The following BICD1 variants were observed in gnomAD, a reference collection of about 807,000 sequenced individuals.
BICD1 encodes BICD cargo adaptor 1.
BICD1 carries 35 observed loss-of-function variants against 92.5 expected under a neutral mutation model. The ratio of observed to expected loss-of-function variants is 0.38; its 90% CI spans 0.29 to 0.50. The LOEUF (loss-of-function observed/expected upper bound fraction) is 0.50. Among genes scored for constraint, BICD1 ranks in the 20% least tolerant of loss-of-function variants. The pLI is 0.93. For missense variants in BICD1, 950 were observed against 1,189.8 expected (o/e 0.80, Z 2.97); for synonymous variants, 429 against 465.1 (o/e 0.92, Z 1.00).
intron 2 of BICD1, among the ~76,000 whole-genome samples, chr12:32,288,560 T>C (rs990761197): frequency 2.6e-5 from 4 of 152,104 alleles, no homozygotes; most frequent in African/African-American, 9.7e-5. Context: ...TATGTCATAA[T>C]TTTAAAAATT....
chr12:32,244,484 A>C (rs1043375420), intron 2 of BICD1, among the ~76,000 whole-genome samples: 1 of 152,164 alleles, frequency 6.6e-6, no homozygotes, highest in African/African-American at 2.4e-5. Context: ...GCTGTCATTA[A>C]TTGGAGTTAC....
rs1197360509 is a variant in BICD1, at chr12:32,348,753, T to A, written c.2764+9774T>A. ...ATATATATATATATATATATATATA[T>A]ATATATATATATATATATATATATA... is the stretch of plus-strand genomic sequence containing the variant. On this transcript the variant is annotated intron_variant, in intron 8 of 9. Coordinates refer to ENST00000652176, the MANE Select transcript of BICD1 (RefSeq NM_001714.4). Among the ~76,000 whole-genome samples the A allele has an allele frequency of 1.1e-3, 27 of 23,496 alleles. 1 individual carries two copies. The highest frequency in any genetic ancestry group is 0.01 in the African/African-American group (20 of 1,906). The allele number at this position is 23,496 out of a possible 152,430, so 15.4% of individuals were successfully genotyped here. A position where few individuals can be genotyped will look rare whatever the true frequency, so the allele number is the denominator to read the frequency against.
At chr12:32,127,645 G>T (rs1047368562) in intron 1 of BICD1, among the ~76,000 whole-genome samples, 1 of 152,084 alleles carries the variant, frequency 6.6e-6, no homozygotes, top group Non-Finnish European at 1.5e-5. Flanking sequence ...ACTGGCTTTG[G>T]ACACCTTCCT....
chr12:32,184,784 C>T (rs1331690710), intron 1 of BICD1, among the ~76,000 whole-genome samples: 1 of 152,156 alleles, frequency 6.6e-6, no homozygotes, highest in African/African-American at 2.4e-5. Flanking sequence ...GTTTATGATA[C>T]CTAAATTCTC....
intron 8 of BICD1, among the ~76,000 whole-genome samples, chr12:32,342,164 A>ATGTG (rs3075990): frequency 3.1e-4 from 43 of 140,302 alleles, no homozygotes; most frequent in African/African-American, 4.0e-4. Flanking sequence ...GTGTATATAT[A>ATGTG]TGTATATATA....
chr12:32,129,723 C>A (rs1942470687), intron 1 of BICD1, among the ~76,000 whole-genome samples: 1 of 152,018 alleles, frequency 6.6e-6, no homozygotes, highest in Non-Finnish European at 1.5e-5. Context: ...TCTTTCTTAA[C>A]CCTGTACCCT....
At chr12:32,149,020 C>CAAAAA (rs35156666) in intron 1 of BICD1, among the ~76,000 whole-genome samples, 1 of 147,036 alleles carries the variant, frequency 6.8e-6, no homozygotes. Context: ...GCTCTGTCTC[C>CAAAAA]AAAAAAAAAA....
At chr12:32,300,682 TGCCCAG>T (rs1250538001) in intron 3 of BICD1, among the ~76,000 whole-genome samples, 1 of 140,798 alleles carries the variant, frequency 7.1e-6, no homozygotes, top group Non-Finnish European at 1.5e-5. Context: ...CCAGCTCTTT[TGCCCAG>T]GCTGGAGTGC....
chr12:32,181,737 T>C (rs542348961), intron 1 of BICD1, among the ~76,000 whole-genome samples: 1 of 152,034 alleles, frequency 6.6e-6, no homozygotes, highest in South Asian at 2.1e-4. Flanking sequence ...TCTGAGCAAC[T>C]GTTGCTTATA....
At position 32,220,429 on chromosome 12, in the gene BICD1, C is replaced by T. The variant is rs559265429; in HGVS notation, c.426+3970C>T. Reference sequence around the variant, plus strand: ...ACCAACAACCCCGTCAAAAAGTGGGCGAAGGACATGAACAGACACTTCTCA... The same window carrying T: ...ACCAACAACCCCGTCAAAAAGTGGGTGAAGGACATGAACAGACACTTCTCA... On this transcript the variant is annotated intron_variant, in intron 2 of 9. Transcript: ENST00000652176. Among the ~76,000 whole-genome samples the T allele has an allele frequency of 7.9e-5, 12 of 152,216 alleles. 1 individual carries two copies. In the South Asian group the frequency reaches 1.2e-3, roughly 16 times the overall value.
chr12:32,171,457 GCTTTC>G (rs889769951), intron 1 of BICD1, among the ~76,000 whole-genome samples: 1 of 152,176 alleles, frequency 6.6e-6, no homozygotes, highest in Non-Finnish European at 1.5e-5. Flanking sequence ...AGATGGTGAT[GCTTTC>G]CTTTCCTTAT....
At chr12:32,173,054 T>TG (rs1031132752) in intron 1 of BICD1, among the ~76,000 whole-genome samples, 10 of 141,030 alleles carry the variant, frequency 7.1e-5, no homozygotes, top group African/African-American at 2.4e-4. Context: ...AGTTTTTTTT[T>TG]TTGTTTTTTT....
chr12:32,365,063 C>T (rs575080845), intron 8 of BICD1, among the ~76,000 whole-genome samples: 1 of 152,182 alleles, frequency 6.6e-6, no homozygotes, highest in Admixed American at 6.5e-5. Flanking sequence ...CGGTGAAACC[C>T]CGTCTCTACT....
At chr12:32,202,871 C>G (rs1944945326) in intron 1 of BICD1, among the ~76,000 whole-genome samples, 1 of 152,140 alleles carries the variant, frequency 6.6e-6, no homozygotes, top group Non-Finnish European at 1.5e-5. Context: ...TCAGCCTCCC[C>G]AAATGCTGGG....
At position 32,107,321 on chromosome 12, in the gene BICD1, C is replaced by T; in HGVS notation, c.-11C>T. 1 of 1,588,922 alleles carries T rather than the reference C, an allele frequency of 6.3e-7. No homozygotes were observed. Among genetic ancestry groups the T allele is most frequent in the Non-Finnish European group, 8.6e-7 (1 of 1,167,282 alleles). ...CCCCGTAACCCCCTCCTGCCTCCATCCACCGGGGCTATGGCCGCAGAAGAG... is the reference window on the plus strand; with the variant it reads ...CCCCGTAACCCCCTCCTGCCTCCATTCACCGGGGCTATGGCCGCAGAAGAG... On this transcript the variant is annotated 5_prime_UTR_variant, in exon 1 of 10. Coordinates refer to ENST00000652176, the MANE Select transcript of BICD1 (RefSeq NM_001714.4).
chr12:32,221,359 AT>A (rs1231784223), intron 2 of BICD1, among the ~76,000 whole-genome samples: 36 of 149,678 alleles, frequency 2.4e-4, no homozygotes, highest in African/African-American at 8.4e-4. Context: ...AAATAAAAAA[AT>A]AAATAAATAA....
intron 2 of BICD1, among the ~76,000 whole-genome samples, chr12:32,260,479 GCT>G (rs1946829211): frequency 6.6e-6 from 1 of 152,002 alleles, no homozygotes; most frequent in African/African-American, 2.4e-5. Flanking sequence ...ATTTTACATT[GCT>G]ACCAAGGACT....
intron 2 of BICD1, among the ~76,000 whole-genome samples, chr12:32,271,192 T>C (rs1249486394): frequency 6.6e-6 from 1 of 152,196 alleles, no homozygotes; most frequent in Non-Finnish European, 1.5e-5. Flanking sequence ...TGAATTAGTG[T>C]CCTTTCTTTG....
rs1263878724 is a variant in BICD1 at position 32,380,361 on chromosome 12, A to C, written c.*2734A>C. On this transcript the variant is annotated 3_prime_UTR_variant, in exon 10 of 10. Transcript: ENST00000652176. ...AACTAGTGAGAACCAAAAAGAATGA[A>C]CTCCAGTAAGACTAATTGAAGACAT... The C allele has an allele frequency of 2.0e-5, 3 of 152,122 alleles. No homozygotes were observed. Among genetic ancestry groups the C allele is most frequent in the Admixed American group, 1.3e-4 (2 of 15,246 alleles). 9.4% of individuals were successfully genotyped at this position (152,122 alleles called of 1,614,324 possible).
Sources: allele counts gnomAD v4.1 joint callset (sites outside exome capture counted in the v4.1 genomes callset), GRCh38; gene constraint gnomAD v4.1.1; transcripts MANE v1.5; gene names NCBI Gene and HGNC (gene_info 2026-07-23, HGNC 2026-07-21).